FAM53B: variants seen among roughly 807,000 people sequenced by gnomAD.
FAM53B encodes the protein protein FAM53B.
In FAM53B, 12 loss-of-function variants were observed where a neutral mutation model predicts 32.7. That is an observed-to-expected ratio of 0.37 (90% CI 0.24 to 0.59). The LOEUF (loss-of-function observed/expected upper bound fraction) is 0.59, where lower values mean the gene tolerates loss of function less well. Ranked by LOEUF, FAM53B falls within the 20% of genes least tolerant of loss-of-function variation. The probability of loss-of-function intolerance (pLI) is 0.72; values close to 1 mark genes in which losing one functional copy is unlikely to be tolerated. For missense variants in FAM53B, 477 were observed against 577.7 expected, an observed-to-expected ratio of 0.83 and a Z score of 1.79; for synonymous variants, 234 against 228.7, an observed-to-expected ratio of 1.02 and a Z score of -0.21.
At chr10:124,627,106 A>T (rs1949360863) in intron 4 of FAM53B, among the ~76,000 whole-genome samples, 1 of 152,224 alleles carries the variant, frequency 6.6e-6, no homozygotes, top group African/African-American at 2.4e-5. Context: ...CAGCCACAGT[A>T]AAAGAAAGCC....
chr10:124,625,960 T>C (rs547616733), intron 4 of FAM53B, among the ~76,000 whole-genome samples: 1 of 152,168 alleles, frequency 6.6e-6, no homozygotes, highest in South Asian at 2.1e-4. Context: ...GCAGCCACGG[T>C]GTGTAAGGAT....
intron 1 of FAM53B, among the ~76,000 whole-genome samples, chr10:124,731,036 T>C (rs544620962): frequency 1.7e-4 from 26 of 152,354 alleles, no homozygotes; most frequent in African/African-American, 6.0e-4. Flanking sequence ...CACCAGGCTA[T>C]AGTTTGCCAA....
rs745635403 is a variant in FAM53B, at chr10:124,667,438, A to G, written c.906+14169T>C. On this transcript the variant is annotated intron_variant, in intron 4 of 4. Coordinates refer to ENST00000337318, the MANE Select transcript of FAM53B (RefSeq NM_014661.4). ...GGGGCTATCTGGAGGAGAAAATACA[A>G]CAGGTGAGTTTCTTCTGCAAATCAT... is the stretch of plus-strand genomic sequence containing the variant. 3 of 765,134 alleles carry G rather than the reference A, an allele frequency of 3.9e-6. No individual in the cohort carries two copies. In the Admixed American group the frequency reaches 5.2e-5, roughly 13 times the overall value. The allele number at this position is 765,134 out of a possible 1,614,324, so 47.4% of individuals were successfully genotyped here.
At chr10:124,635,618 G>C (rs1027512891) in intron 4 of FAM53B, among the ~76,000 whole-genome samples, 5 of 152,162 alleles carry the variant, frequency 3.3e-5, no homozygotes, top group Non-Finnish European at 4.4e-5. Context: ...GGGAGGAAGG[G>C]CTCCTACAGC....
At chr10:124,663,699 G>A (rs1344041612) in intron 4 of FAM53B, among the ~76,000 whole-genome samples, 1 of 152,190 alleles carries the variant, frequency 6.6e-6, no homozygotes, top group Non-Finnish European at 1.5e-5. Context: ...ACTGCACTCT[G>A]GGAGCTGGAA....
In FAM53B at chr10:124,706,661, G is replaced by T; in HGVS notation, c.53C>A (p.Ala18Glu). The T allele has an allele frequency of 6.2e-7, 1 of 1,614,214 alleles. No homozygotes were observed. The highest frequency in any genetic ancestry group is 1.1e-5 in the South Asian group (1 of 91,086). Residue 18 changes from alanine (A) to glutamate (E), a missense_variant, in exon 2 of 5, where the codon GCA (alanine) becomes GAA (glutamate). Physicochemically the swap from Ala to Glu is moderately radical, Grantham distance 107. Coordinates refer to ENST00000337318, the MANE Select transcript of FAM53B (RefSeq NM_014661.4). ...SLSTRGADSI[A>E]CGTFSRELHT... is the part of the protein sequence containing the mutation. ...CAGTTCACGGCTGAAGGTCCCACAT[G>T]CAATGGAGTCAGCTCCCCGGGTGCT...
intron 4 of FAM53B, among the ~76,000 whole-genome samples, chr10:124,629,463 G>A (rs1435172611): frequency 6.6e-6 from 1 of 152,140 alleles, no homozygotes; most frequent in Non-Finnish European, 1.5e-5. Context: ...GAGCTACCTC[G>A]AGTCCCTCTG....
chr10:124,659,613 C>T (rs1418627879), intron 4 of FAM53B, among the ~76,000 whole-genome samples: 1 of 152,260 alleles, frequency 6.6e-6, no homozygotes, highest in Non-Finnish European at 1.5e-5. Context: ...CCACAGCCAG[C>T]TGAGGCTTTT....
At chr10:124,719,303 C>T (rs1338418017) in intron 1 of FAM53B, among the ~76,000 whole-genome samples, 2 of 152,156 alleles carry the variant, frequency 1.3e-5, no homozygotes, top group Non-Finnish European at 2.9e-5. Flanking sequence ...CTTCTAAGCA[C>T]TCTGGATATG....
At chr10:124,672,036 A>C (rs550959412) in intron 4 of FAM53B, among the ~76,000 whole-genome samples, 1 of 152,342 alleles carries the variant, frequency 6.6e-6, no homozygotes, top group Non-Finnish European at 1.5e-5. Context: ...CTGATACCAC[A>C]AAAATGGTAC....
At chr10:124,672,125 C>T (rs1487726114) in intron 4 of FAM53B, among the ~76,000 whole-genome samples, 1 of 152,228 alleles carries the variant, frequency 6.6e-6, no homozygotes, top group Non-Finnish European at 1.5e-5. Context: ...CTGCCAAAGG[C>T]GAAGTGGGCT....
intron 2 of FAM53B, among the ~76,000 whole-genome samples, chr10:124,696,613 C>G (rs1213267355): frequency 1.3e-5 from 2 of 152,136 alleles, no homozygotes; most frequent in African/African-American, 4.8e-5. Context: ...CACGAAGAAC[C>G]TCAAGTAGGG....
intron 3 of FAM53B, among the ~76,000 whole-genome samples, chr10:124,690,702 T>C (rs1217047193): frequency 5.9e-5 from 9 of 152,236 alleles, no homozygotes; most frequent in Non-Finnish European, 1.5e-5. Context: ...AGAATTTACA[T>C]ACCCTTTATG....
At chr10:124,735,767 G>A (rs1299049678) in intron 1 of FAM53B, among the ~76,000 whole-genome samples, 4 of 130,150 alleles carry the variant, frequency 3.1e-5, no homozygotes, top group Admixed American at 7.6e-5. Flanking sequence ...TCAGGGCCCC[G>A]AACCTATGGG....
At chr10:124,633,491 G>A (rs979303154) in intron 4 of FAM53B, among the ~76,000 whole-genome samples, 6 of 152,162 alleles carry the variant, frequency 3.9e-5, no homozygotes, top group African/African-American at 1.4e-4. Context: ...GGAAAACTCT[G>A]TAAAGAACAG....
chr10:124,622,665 A>G lies in FAM53B; in HGVS notation c.*577T>C, dbSNP rs539106534. 2 of 152,740 alleles carry G rather than the reference A, an allele frequency of 1.3e-5. No individual in the cohort carries two copies. The highest frequency in any genetic ancestry group is 3.9e-4 in the East Asian group (2 of 5,190). 9.5% of individuals were successfully genotyped at this position (152,740 alleles called of 1,614,324 possible). A position where few individuals can be genotyped will look rare whatever the true frequency, so the allele number is the denominator to read the frequency against. On this transcript the variant is annotated 3_prime_UTR_variant, in exon 5 of 5. Coordinates refer to ENST00000337318, the MANE Select transcript of FAM53B (RefSeq NM_014661.4). ...GATTCTGTCTCTCACATTGGAATTA[A>G]GGCCAAATGGTTCTGGTGTTACAGA...
At chr10:124,691,076 C>T (rs559161901) in intron 3 of FAM53B, among the ~76,000 whole-genome samples, 26 of 152,314 alleles carry the variant, frequency 1.7e-4, no homozygotes, top group Middle Eastern at 3.4e-3. Flanking sequence ...TCCTGCAATG[C>T]GCAATCATTT....
At chr10:124,667,455 G>A in intron 4 of FAM53B, 1 of 756,224 alleles carries the variant, frequency 1.3e-6, no homozygotes, top group Non-Finnish European at 2.5e-6. Context: ...AGTTTCTTCT[G>A]CAAATCATCC....
intron 1 of FAM53B, among the ~76,000 whole-genome samples, chr10:124,739,606 T>C (rs1272354659): frequency 6.6e-6 from 1 of 152,126 alleles, no homozygotes; most frequent in Non-Finnish European, 1.5e-5. Context: ...CTCCTGAGAC[T>C]GGCACCGTGA....
Sources: allele counts gnomAD v4.1 joint callset (sites outside exome capture counted in the v4.1 genomes callset), GRCh38; gene constraint gnomAD v4.1.1; transcripts MANE v1.5; gene names NCBI Gene and HGNC (gene_info 2026-07-23, HGNC 2026-07-21).